Variants in RGSL1 observed in about 807,000 individuals in gnomAD.
The protein encoded by RGSL1 is regulator of G protein signaling protein-like.
Under a neutral mutation model 124.7 loss-of-function variants are expected in RGSL1, and 97 were observed. The observed-to-expected ratio is 0.78, with a 90% CI of 0.66 to 0.92. The LOEUF is 0.92. Among genes scored for constraint, RGSL1 ranks in the 40% least tolerant of loss-of-function variants. The probability of loss-of-function intolerance (pLI) is 0.00; values close to 1 mark genes in which losing one functional copy is unlikely to be tolerated. For synonymous variants in RGSL1, 424 were observed against 438.1 expected, an observed-to-expected ratio of 0.97 and a Z score of 0.40; for missense variants, 1,233 against 1,288.4, an observed-to-expected ratio of 0.96 and a Z score of 0.66.
chr1:182,462,934 G>A (rs747097656), intron 4 of RGSL1, among the ~76,000 whole-genome samples: 2 of 152,112 alleles, frequency 1.3e-5, no homozygotes, highest in Non-Finnish European at 2.9e-5. Flanking sequence ...TCCTGGTAAC[G>A]CAGAACAAAA....
intron 21 of RGSL1, among the ~76,000 whole-genome samples, chr1:182,558,043 T>TAGGAATAAAAAG (rs1660962586): frequency 6.9e-6 from 1 of 144,726 alleles, no homozygotes; most frequent in African/African-American, 2.5e-5. Flanking sequence ...AGCTTCTACT[T>TAGGAATAAAAAG]AGGAATAAAA....
chr1:182,464,535 C>T (rs1477184370), intron 4 of RGSL1, among the ~76,000 whole-genome samples: 1 of 151,610 alleles, frequency 6.6e-6, no homozygotes, highest in Non-Finnish European at 1.5e-5. Flanking sequence ...ACCAGCCTGG[C>T]CAACATGGTG....
chr1:182,484,798 G>T (rs1654975065), intron 6 of RGSL1, among the ~76,000 whole-genome samples: 1 of 152,186 alleles, frequency 6.6e-6, no homozygotes, highest in Admixed American at 6.5e-5. Context: ...AGTGGGCAGA[G>T]CAGTTCCACT....
At chr1:182,530,959 C>A in intron 13 of RGSL1, 49 bp downstream of exon 13, 3 of 1,522,830 alleles carry the variant, frequency 2.0e-6, no homozygotes, top group South Asian at 1.3e-5. Flanking sequence ...AGAAAACCAT[C>A]GTCTTGGGGG....
chr1:182,505,656 CATTA>C (rs1291533097), intron 9 of RGSL1, among the ~76,000 whole-genome samples: 1 of 152,114 alleles, frequency 6.6e-6, no homozygotes, highest in Non-Finnish European at 1.5e-5. Flanking sequence ...TTCATGTATT[CATTA>C]ATTTGTATTT....
intron 11 of RGSL1, among the ~76,000 whole-genome samples, chr1:182,528,215 G>A (rs1658898677): frequency 1.3e-5 from 2 of 151,982 alleles, no homozygotes; most frequent in South Asian, 4.2e-4. Flanking sequence ...AACAGCATGG[G>A]GGAAACCACC....
In RGSL1 at chr1:182,530,909, AG is replaced by A. The variant is rs1659127183; in HGVS notation, c.2364+1del. 6.5e-7 allele frequency: 1 copy of A among 1,546,064 alleles called. No individual in the cohort carries two copies. The highest frequency in any genetic ancestry group is 8.7e-7 in the Non-Finnish European group (1 of 1,144,884). On this transcript the variant is annotated frameshift_variant and splice_region_variant, in exon 13 of 22. Transcript: ENST00000294854. LOFTEE classifies it high-confidence loss of function. ...GTGTCAACTTACCTACAGGAATCCC[AG>A]GTTAGTGAAGAAGAAAGTGAAACAA... Reference protein sequence around the residue: ...KIVSTYLQESQKKGWMRMISF... With the variant: ...KIVSTYLQESXKKGWMRMISF...
At chr1:182,466,973 CA>C (rs930846850) in intron 4 of RGSL1, among the ~76,000 whole-genome samples, 1 of 152,156 alleles carries the variant, frequency 6.6e-6, no homozygotes, top group African/African-American at 2.4e-5. Context: ...ACACCAATAA[CA>C]GACAAACAGA....
At chr1:182,524,360 T>C (rs1193414562) in intron 10 of RGSL1, among the ~76,000 whole-genome samples, 1 of 152,110 alleles carries the variant, frequency 6.6e-6, no homozygotes, top group Non-Finnish European at 1.5e-5. Flanking sequence ...TTGCAGTTGT[T>C]CAGGCAAATG....
intron 14 of RGSL1, among the ~76,000 whole-genome samples, chr1:182,533,924 A>G (rs1237444163): frequency 4.6e-5 from 7 of 152,198 alleles, no homozygotes; most frequent in Admixed American, 3.3e-4. Flanking sequence ...AGTGATTTCT[A>G]GGTATGCACA....
chr1:182,491,795 G>A (rs1655544273), intron 8 of RGSL1, among the ~76,000 whole-genome samples: 1 of 152,066 alleles, frequency 6.6e-6, no homozygotes, highest in Admixed American at 6.5e-5. Context: ...AGAGTTCCAG[G>A]AGAACTCTGT....
chr1:182,464,904 T>C (rs1558240130), intron 4 of RGSL1, among the ~76,000 whole-genome samples: 1 of 151,770 alleles, frequency 6.6e-6, no homozygotes, highest in Non-Finnish European at 1.5e-5. Flanking sequence ...CTGGGCAACA[T>C]AATGAGACCC....
intron 13 of RGSL1, among the ~76,000 whole-genome samples, chr1:182,531,618 TG>T (rs1436954115): frequency 6.6e-6 from 1 of 152,176 alleles, no homozygotes; most frequent in Non-Finnish European, 1.5e-5. Flanking sequence ...GATGAAAATG[TG>T]TTACTCTTCC....
At chr1:182,535,222 T>C (rs1659455176) in intron 14 of RGSL1, among the ~76,000 whole-genome samples, 1 of 152,180 alleles carries the variant, frequency 6.6e-6, no homozygotes, top group Non-Finnish European at 1.5e-5. Flanking sequence ...GCAACCCCTA[T>C]CTTGAACACA....
intron 9 of RGSL1, among the ~76,000 whole-genome samples, chr1:182,497,574 C>T (rs1020405545): frequency 1.3e-5 from 2 of 151,950 alleles, no homozygotes; most frequent in Admixed American, 6.5e-5. Context: ...TTTCAACAAA[C>T]AAGGACATTC....
At chr1:182,507,481 T>C (rs1558332956) in intron 9 of RGSL1, among the ~76,000 whole-genome samples, 1 of 152,242 alleles carries the variant, frequency 6.6e-6, no homozygotes. Flanking sequence ...ACATGTGATA[T>C]TTGTCTTTCT....
rs1660640462 is a variant in RGSL1, at chr1:182,552,703, A to G, written c.3044-752A>G. 2.0e-5 allele frequency among the ~76,000 whole-genome samples: 3 copies of G among 152,354 alleles called. 1 individual carries two copies. The South Asian group carries it at 6.2e-4, about 32-fold the overall frequency. ...AAGGAATGTATTTGGCTCATGATTC[A>G]GGGGACGGGGAAGTCCAAGAGCATG... On this transcript the variant is annotated intron_variant, in intron 18 of 21. Transcript: ENST00000294854.
chr1:182,486,910 G>C (rs1469642136), intron 6 of RGSL1, among the ~76,000 whole-genome samples: 1 of 151,904 alleles, frequency 6.6e-6, no homozygotes, highest in Non-Finnish European at 1.5e-5. Flanking sequence ...CCCAACCTCA[G>C]GTGATCCGCC....
rs74128940 is a variant in RGSL1 at position 182,529,289 on chromosome 1, C to T, written c.2126-955C>T. On this transcript the variant is annotated intron_variant, in intron 11 of 21. Transcript: ENST00000294854. ...ACACAGAGAGGTTAACTAGCTTGTA[C>T]ACTTGGTAGAACTTGAATTCAAATT... is the stretch of plus-strand genomic sequence containing the variant. Among the ~76,000 whole-genome samples, 1,285 of 152,302 alleles carry T rather than the reference C, an allele frequency of 8.4e-3. 29 individuals are homozygous for T. Among genetic ancestry groups the T allele is most frequent in the African/African-American group, 0.03 (1,240 of 41,562 alleles).
Sources: gnomAD v4.1 joint callset for allele counts (sites outside exome capture counted in the v4.1 genomes callset) on GRCh38, gnomAD v4.1.1 for gene constraint, MANE v1.5 for transcripts, NCBI Gene and HGNC (gene_info 2026-07-23, HGNC 2026-07-21) for gene names.